CDK7: variants seen among roughly 807,000 people sequenced by gnomAD.
The protein encoded by CDK7 is cyclin dependent kinase 7.
Under a neutral mutation model 49.1 loss-of-function variants are expected in CDK7, and 25 were observed. The observed-to-expected ratio is 0.51, with a 90% CI of 0.37 to 0.71. The LOEUF (loss-of-function observed/expected upper bound fraction) is 0.71. Among genes scored for constraint, CDK7 ranks in the 30% least tolerant of loss-of-function variants. The pLI is 0.00. For missense variants in CDK7, 316 were observed against 411.7 expected (o/e 0.77, Z 2.01); for synonymous variants, 107 against 140.0 (o/e 0.76, Z 1.67).
At chr5:69,271,854 T>C (rs747250650) in intron 9 of CDK7, among the ~76,000 whole-genome samples, 3 of 152,104 alleles carry the variant, frequency 2.0e-5, no homozygotes, top group Non-Finnish European at 2.9e-5. Flanking sequence ...AGTTTTGTAG[T>C]TTTATACTTA....
chr5:69,263,598 G>A (rs541020092), intron 8 of CDK7, among the ~76,000 whole-genome samples: 1 of 152,332 alleles, frequency 6.6e-6, no homozygotes, highest in East Asian at 1.9e-4. Flanking sequence ...ATTTGTAGAA[G>A]AAACCCACAC....
At chr5:69,273,363 G>T (rs973989838) in intron 10 of CDK7, among the ~76,000 whole-genome samples, 1 of 152,102 alleles carries the variant, frequency 6.6e-6, no homozygotes, top group African/African-American at 2.4e-5. Context: ...TATTTGTTAA[G>T]AAACTGGTAT....
At chr5:69,265,686 G>T (rs1751106837) in intron 8 of CDK7, among the ~76,000 whole-genome samples, 1 of 152,180 alleles carries the variant, frequency 6.6e-6, no homozygotes, top group African/African-American at 2.4e-5. Flanking sequence ...AAGGCGGGTG[G>T]ATCACTTGAG....
At chr5:69,258,678 G>A (rs1017006923) in intron 6 of CDK7, among the ~76,000 whole-genome samples, 1 of 152,022 alleles carries the variant, frequency 6.6e-6, no homozygotes, top group East Asian at 1.9e-4. Flanking sequence ...CATTGCGCCC[G>A]GCCTCCTCAT....
chr5:69,277,236 TA>T lies in CDK7; in HGVS notation c.*104del. Reference sequence around the variant, plus strand: ...AGTAAATGCTGTAGAAGTGAGTTTGTAAATATTCTACACATGTAAAATATGT... The same window carrying T: ...AGTAAATGCTGTAGAAGTGAGTTTGTAATATTCTACACATGTAAAATATGT... On this transcript the variant is annotated 3_prime_UTR_variant, in exon 12 of 12. Transcript: ENST00000256443. 1.3e-6 allele frequency: 1 copy of T among 756,720 alleles called. No homozygotes were observed. Among genetic ancestry groups the T allele is most frequent in the East Asian group, 2.7e-5 (1 of 36,992 alleles). 46.9% of individuals were successfully genotyped at this position (756,720 alleles called of 1,614,324 possible).
upstream of CDK7, chr5:69,234,876 G>A (rs2932779): frequency 9.5e-3 from 11,386 of 1,194,816 alleles, 701 homozygotes; most frequent in East Asian, 0.17. Flanking sequence ...GACGGAGCCC[G>A]GTGGACGGAA....
chr5:69,238,564 G>A (rs573053046), intron 2 of CDK7, among the ~76,000 whole-genome samples: 1 of 151,924 alleles, frequency 6.6e-6, no homozygotes, highest in South Asian at 2.1e-4. Context: ...TGAGATTACA[G>A]GTGTGAGCCC....
At chr5:69,270,904 G>A (rs1751482035) in intron 9 of CDK7, among the ~76,000 whole-genome samples, 1 of 152,138 alleles carries the variant, frequency 6.6e-6, no homozygotes, top group Admixed American at 6.6e-5. Flanking sequence ...TTTCCAATGT[G>A]GGGCTATTAC....
intron 5 of CDK7, chr5:69,255,920 T>C: frequency 5.7e-6 from 1 of 175,114 alleles, no homozygotes; most frequent in Non-Finnish European, 1.2e-5. Flanking sequence ...ACCTCCTGGG[T>C]TCCAGTGATT....
At position 69,252,276 on chromosome 5, in the gene CDK7, C is replaced by T. The variant is rs1425763499; in HGVS notation, c.127-142C>T. The T allele has an allele frequency of 2.8e-5, 17 of 617,318 alleles. No homozygotes were observed. The East Asian group carries it at 4.6e-4, about 17-fold the overall frequency. The allele number at this position is 617,318 out of a possible 1,614,324, so 38.2% of individuals were successfully genotyped here. A position where few individuals can be genotyped will look rare whatever the true frequency, so the allele number is the denominator to read the frequency against. On this transcript the variant is annotated intron_variant, in intron 2 of 11. Transcript: ENST00000256443. ...TCTTTCTGATCATGATTCCTACTCT[C>T]TTTTTGCCTAGTAGGTACATATTGG...
At chr5:69,239,899 A>G (rs1749255635) in intron 2 of CDK7, among the ~76,000 whole-genome samples, 1 of 148,190 alleles carries the variant, frequency 6.7e-6, no homozygotes, top group Admixed American at 6.7e-5. Flanking sequence ...TTCAATAGAG[A>G]CAGGGTCTTT....
At position 69,276,688 on chromosome 5, in the gene CDK7, A is replaced by G; in HGVS notation, c.1010A>G (p.Gln337Arg). The change falls in exon 11 of 12, where the codon CAA becomes CGA. Residue 337 changes from glutamine (Q) to arginine (R), a missense_variant and splice_region_variant. Physicochemically the swap from Gln to Arg is conservative, Grantham distance 43. Transcript: ENST00000256443. ...AGGAAAAGAACAGAGGCCTTAGAAC[A>G]AGGTAAGATTCCCACTTTTAAAAGA... The part of the protein sequence containing the change: ...IKRKRTEALE[Q>R]GGLPKKLIF 1 of 1,611,364 alleles carries G rather than the reference A, an allele frequency of 6.2e-7. No individual in the cohort carries two copies. The highest frequency in any genetic ancestry group is 8.5e-7 in the Non-Finnish European group (1 of 1,179,252).
chr5:69,263,412 G>C (rs763814287), intron 8 of CDK7, among the ~76,000 whole-genome samples: 48 of 152,296 alleles, frequency 3.2e-4, no homozygotes, highest in Admixed American at 5.9e-4. Context: ...AAAATGTTTA[G>C]TTTAAGCATA....
chr5:69,258,125 A>G lies in CDK7; in HGVS notation c.380A>G (p.Tyr127Cys), dbSNP rs1402630088. The G allele has an allele frequency of 3.8e-6, 6 of 1,577,594 alleles. No homozygotes were observed. Among genetic ancestry groups the G allele is most frequent in the Non-Finnish European group, 5.2e-6 (6 of 1,154,036 alleles). The change falls in exon 6 of 12, where the codon TAT becomes TGT. Residue 127 changes from tyrosine (Y) to cysteine (C), a missense_variant. By Grantham distance (194) the Tyr-to-Cys change is radical. Transcript: ENST00000256443. ...TTGATGACTCTTCAAGGATTAGAAT[A>G]TTTACATCAACATTGGATCCTACAT... ...YMLMTLQGLE[Y>C]LHQHWILHRD... is the part of the protein sequence containing the mutation.
At chr5:69,247,453 CTG>C (rs1196694320) in intron 2 of CDK7, among the ~76,000 whole-genome samples, 1 of 149,678 alleles carries the variant, frequency 6.7e-6, no homozygotes, top group African/African-American at 2.4e-5. Context: ...GTCTTTCAGT[CTG>C]TGTGTGTCTG....
intron 2 of CDK7, among the ~76,000 whole-genome samples, chr5:69,237,014 G>GT (rs35277601): frequency 0.31 from 42,730 of 136,382 alleles, 6,671 homozygotes; most frequent in East Asian, 0.42. Context: ...GTGTTTTCTG[G>GT]TTTATGTTTT....
intron 2 of CDK7, among the ~76,000 whole-genome samples, chr5:69,245,313 C>CCCCCT (rs1384754782): frequency 1.4e-5 from 1 of 70,198 alleles, no homozygotes; most frequent in Non-Finnish European, 3.1e-5. Flanking sequence ...CCCCTTCCCC[C>CCCCCT]TCCCCTTCCC....
At position 69,254,602 on chromosome 5, in the gene CDK7, G is replaced by T. The variant is rs1750369136; in HGVS notation, c.161G>T (p.Gly54Val). 2.9e-6 allele frequency: 4 copies of T among 1,383,224 alleles called. No individual in the cohort carries two copies. Among genetic ancestry groups the T allele is most frequent in the Non-Finnish European group, 1.0e-6 (1 of 971,112 alleles). The allele number at this position is 1,383,224 out of a possible 1,614,324, so 85.7% of individuals were successfully genotyped here. ...CTTTTTGCTTTGCCTTTTTATATAG[G>T]TATAAATAGAACCGCCTTAAGAGAG... Reference protein sequence around the residue: ...KLGHRSEAKDGINRTALREIK... With the variant: ...KLGHRSEAKDVINRTALREIK... The change falls in exon 4 of 12, where the codon GGT (glycine) becomes GTT (valine). Residue 54 changes from glycine (G) to valine (V), a missense_variant and splice_region_variant. Coordinates refer to ENST00000256443, the MANE Select transcript of CDK7 (RefSeq NM_001799.4).
chr5:69,266,451 T>C (rs192437439), intron 8 of CDK7, among the ~76,000 whole-genome samples: 33 of 152,060 alleles, frequency 2.2e-4, no homozygotes, highest in Non-Finnish European at 1.5e-5. Flanking sequence ...TAGCTGGGCA[T>C]GGTGGTGGGC....
Sources: allele counts gnomAD v4.1 joint callset (sites outside exome capture counted in the v4.1 genomes callset), GRCh38; gene constraint gnomAD v4.1.1; transcripts MANE v1.5; gene names NCBI Gene and HGNC (gene_info 2026-07-23, HGNC 2026-07-21).